Variants in ARHGEF11 observed in about 807,000 individuals in gnomAD.
ARHGEF11 encodes the protein Rho guanine nucleotide exchange factor 11.
Under a neutral mutation model 193.7 loss-of-function variants are expected in ARHGEF11, and 55 were observed. The ratio of observed to expected loss-of-function variants is 0.28; its 90% CI spans 0.23 to 0.36. The LOEUF (loss-of-function observed/expected upper bound fraction) is 0.36. Ranked by LOEUF, ARHGEF11 falls within the 10% of genes least tolerant of loss-of-function variation. The pLI, the probability that ARHGEF11 is intolerant of heterozygous loss-of-function variation, is 1.00. For missense variants in ARHGEF11, 1,723 were observed against 2,005.6 expected (o/e 0.86, Z 2.69); for synonymous variants, 693 against 768.0 (o/e 0.90, Z 1.62).
At chr1:157,036,789 C>T (rs1400945135) in intron 1 of ARHGEF11, among the ~76,000 whole-genome samples, 1 of 152,168 alleles carries the variant, frequency 6.6e-6, no homozygotes, top group Non-Finnish European at 1.5e-5. Flanking sequence ...ATCAATAGCA[C>T]TACCCTTCTC....
In ARHGEF11 at chr1:157,026,398, G is replaced by A. The variant is rs151047900; in HGVS notation, c.32+17901C>T. Among the ~76,000 whole-genome samples, 10 of 152,188 alleles carry A rather than the reference G, an allele frequency of 6.6e-5. No homozygotes were observed. In the East Asian group the frequency reaches 1.5e-3, roughly 23 times the overall value. On this transcript the variant is annotated intron_variant, in intron 1 of 40. Transcript: ENST00000368194. Reference sequence around the variant, plus strand: ...TTCAAAGTAACCAAGCTCATAGGGCGCCCAAGCAACACAATCTCCAGGGTA... The same window carrying A: ...TTCAAAGTAACCAAGCTCATAGGGCACCCAAGCAACACAATCTCCAGGGTA...
chr1:156,936,179 A>C (rs750276058), intron 40 of ARHGEF11, 121 bp from the exon 41 acceptor site: 20 of 1,058,312 alleles, frequency 1.9e-5, no homozygotes, highest in Non-Finnish European at 2.8e-5. Context: ...CTCCTCCAGA[A>C]ACCCCAGTTT....
intron 1 of ARHGEF11, among the ~76,000 whole-genome samples, chr1:157,021,057 G>T (rs1296171121): frequency 2.6e-5 from 4 of 152,226 alleles, no homozygotes; most frequent in Non-Finnish European, 5.9e-5. Context: ...GAAAGCAAAA[G>T]ATTTAATGTT....
At chr1:157,029,792 C>G (rs1442357311) in intron 1 of ARHGEF11, among the ~76,000 whole-genome samples, 1 of 152,142 alleles carries the variant, frequency 6.6e-6, no homozygotes, top group Non-Finnish European at 1.5e-5. Flanking sequence ...TCTATCCATA[C>G]AGTGGAATAT....
At chr1:156,989,704 C>T (rs1207184306) in intron 1 of ARHGEF11, among the ~76,000 whole-genome samples, 2 of 152,184 alleles carry the variant, frequency 1.3e-5, no homozygotes, top group African/African-American at 4.8e-5. Context: ...GCATTGACTC[C>T]ACAAAGCAAT....
At chr1:156,939,432 G>T in intron 37 of ARHGEF11, 116 bp downstream of exon 37, 1 of 1,444,992 alleles carries the variant, frequency 6.9e-7, no homozygotes. Flanking sequence ...ACCCAGCGTA[G>T]GTCTCTGCTC....
intron 1 of ARHGEF11, 140 bp from the exon 2 acceptor site, chr1:156,986,313 A>T (rs974308908): frequency 2.6e-5 from 16 of 619,578 alleles, no homozygotes; most frequent in Non-Finnish European, 4.5e-5. Flanking sequence ...CCAATCTGGT[A>T]GGACATTAGC....
In ARHGEF11 at chr1:156,978,280, G is replaced by A. The variant is rs568062798; in HGVS notation, c.434C>T (p.Thr145Met). The change falls in exon 6 of 41, where the codon ACG (threonine) becomes ATG (methionine). Residue 145 changes from threonine to methionine, a missense_variant. This residue lies in a region of ARHGEF11 where 646 missense variants were observed against 710.7 expected (regional missense o/e 0.91). Transcript: ENST00000368194. Reference protein sequence around the residue: ...DPSPAGAPRITSVIPSPPPPP... With the variant: ...DPSPAGAPRIMSVIPSPPPPP... Reference sequence around the variant, plus strand: ...AGGTGGTGGTGAGGGGATCACTGACGTGATTCGGGGAGCTCCTGCTGGGGA... The same window carrying A: ...AGGTGGTGGTGAGGGGATCACTGACATGATTCGGGGAGCTCCTGCTGGGGA... The A allele has an allele frequency of 1.3e-5, 21 of 1,614,030 alleles. No homozygotes were observed. Among genetic ancestry groups the A allele is most frequent in the African/African-American group, 2.7e-5 (2 of 74,906 alleles).
chr1:156,971,963 G>A lies in ARHGEF11; in HGVS notation c.583-147C>T, dbSNP rs183071176. 4.2e-4 allele frequency: 400 copies of A among 941,222 alleles called. No homozygotes were observed. The African/African-American group carries it at 5.9e-3, about 14-fold the overall frequency. 58.3% of individuals were successfully genotyped at this position (941,222 alleles called of 1,614,324 possible). Reference sequence around the variant, plus strand: ...GGTCTCTGCCTCCAAGTAGATGCACGGTATTTCAACATCATTCAGGATCAG... The same window carrying A: ...GGTCTCTGCCTCCAAGTAGATGCACAGTATTTCAACATCATTCAGGATCAG... On this transcript the variant is annotated intron_variant, in intron 7 of 40. Coordinates refer to ENST00000368194, the MANE Select transcript of ARHGEF11 (RefSeq NM_198236.3).
At chr1:156,980,740 G>T (rs1664015596) in intron 3 of ARHGEF11, among the ~76,000 whole-genome samples, 1 of 149,592 alleles carries the variant, frequency 6.7e-6, no homozygotes, top group Non-Finnish European at 1.5e-5. Context: ...GCCAGGCCAA[G>T]GCAGGAGCGA....
chr1:157,010,267 GAA>G (rs1472230493), intron 1 of ARHGEF11, among the ~76,000 whole-genome samples: 2 of 151,992 alleles, frequency 1.3e-5, no homozygotes, highest in African/African-American at 2.4e-5. Flanking sequence ...AATTAGGCAA[GAA>G]AAAGAAATAA....
chr1:156,956,382 T>G, intron 19 of ARHGEF11, 38 bp downstream of exon 19: 2 of 1,610,292 alleles, frequency 1.2e-6, no homozygotes, highest in Non-Finnish European at 1.7e-6. Flanking sequence ...TCCAAAGTAC[T>G]AGGATTACAG....
In ARHGEF11 at chr1:157,044,859, G is replaced by T; in HGVS notation, c.-529C>A. 4 of 196,678 alleles carry T rather than the reference G, an allele frequency of 2.0e-5. No homozygotes were observed. The highest frequency in any genetic ancestry group is 3.0e-5 in the Non-Finnish European group (3 of 100,700). 12.2% of individuals were successfully genotyped at this position (196,678 alleles called of 1,614,324 possible). On this transcript the variant is annotated 5_prime_UTR_variant, in exon 1 of 41. Coordinates refer to ENST00000368194, the MANE Select transcript of ARHGEF11 (RefSeq NM_198236.3). ...CAACAGCAAATATCTTTGAGGAAAG[G>T]AAAAAAAAAAGGATTAATAAATCCG...
Position 156,936,242 on chromosome 1 carries a change from A to G in ARHGEF11, c.4631-184T>C, listed in dbSNP as rs772338606. ...CTGAACTCCACTTTCATCAGCGCCT[A>G]AAGCCCTTAGGTCAGGTAGGTATGT... On this transcript the variant is annotated intron_variant, in intron 40 of 40. Coordinates refer to ENST00000368194, the MANE Select transcript of ARHGEF11 (RefSeq NM_198236.3). 6.4e-6 allele frequency: 5 copies of G among 779,144 alleles called. 1 individual carries two copies. Among genetic ancestry groups the G allele is most frequent in the South Asian group, 2.7e-5 (2 of 73,860 alleles). 48.3% of individuals were successfully genotyped at this position (779,144 alleles called of 1,614,324 possible).
chr1:156,935,046 G>A lies in ARHGEF11; in HGVS notation c.*954C>T, dbSNP rs1056425513. The A allele has an allele frequency of 1.3e-5, 2 of 151,954 alleles. No homozygotes were observed. Among genetic ancestry groups the A allele is most frequent in the African/African-American group, 2.4e-5 (1 of 41,216 alleles). 9.4% of individuals were successfully genotyped at this position (151,954 alleles called of 1,614,324 possible). On this transcript the variant is annotated 3_prime_UTR_variant, in exon 41 of 41. Coordinates refer to ENST00000368194, the MANE Select transcript of ARHGEF11 (RefSeq NM_198236.3). Reference sequence around the variant, plus strand: ...TCAGGGAGAGTTGGGTGAGGACGTGGTGATGGGGCCAATGCTGCGGTGGCC... The same window carrying A: ...TCAGGGAGAGTTGGGTGAGGACGTGATGATGGGGCCAATGCTGCGGTGGCC...
intron 16 of ARHGEF11, 81 bp downstream of exon 16, chr1:156,958,965 G>A: frequency 6.2e-7 from 1 of 1,608,008 alleles, no homozygotes; most frequent in Non-Finnish European, 8.5e-7. Context: ...AGAGATATGT[G>A]CACGTCCCAG....
chr1:156,972,104 C>T (rs1296063971), intron 7 of ARHGEF11, among the ~76,000 whole-genome samples: 1 of 152,182 alleles, frequency 6.6e-6, no homozygotes, highest in African/African-American at 2.4e-5. Flanking sequence ...GTCCCACATC[C>T]CAAATGAGGC....
intron 1 of ARHGEF11, among the ~76,000 whole-genome samples, chr1:157,033,631 C>T (rs1352206147): frequency 2.0e-5 from 3 of 152,180 alleles, no homozygotes; most frequent in East Asian, 1.9e-4. Flanking sequence ...GAGCATTACA[C>T]GGTCCTCAGG....
intron 1 of ARHGEF11, 87 bp downstream of exon 1, chr1:157,044,212 T>C (rs2103128615): frequency 7.6e-7 from 1 of 1,314,464 alleles, no homozygotes. Context: ...CAGACCCCTA[T>C]TTTCAACCAT....
Sources: allele counts gnomAD v4.1 joint callset (sites outside exome capture counted in the v4.1 genomes callset), GRCh38; gene constraint gnomAD v4.1.1; regional missense constraint gnomAD v4.1.1; transcripts MANE v1.5; gene names NCBI Gene and HGNC (gene_info 2026-07-23, HGNC 2026-07-21).